Variants in BEND4 observed in about 807,000 individuals in gnomAD.
The protein encoded by BEND4 is BEN domain-containing protein 4.
A neutral mutation model predicts 54.7 loss-of-function variants in BEND4; 27 were observed. The ratio of observed to expected loss-of-function variants is 0.49; its 90% confidence interval spans 0.36 to 0.68. The LOEUF (loss-of-function observed/expected upper bound fraction) is 0.68. Ranked by LOEUF, BEND4 falls within the 30% of genes least tolerant of loss-of-function variation. BEND4 has a pLI of 0.00. For missense variants in BEND4, 702 were observed against 697.2 expected, an observed-to-expected ratio of 1.01 and a Z score of -0.08; for synonymous variants, 327 against 299.5, an observed-to-expected ratio of 1.09 and a Z score of -0.95.
At chr4:42,144,664 C>T (rs938039199) in intron 2 of BEND4, among the ~76,000 whole-genome samples, 20 of 152,268 alleles carry the variant, frequency 1.3e-4, no homozygotes, top group African/African-American at 3.4e-4. Context: ...TTTAGGCTGA[C>T]GTGTATCATT....
chr4:42,119,072 G>A (rs1475157143), intron 5 of BEND4, among the ~76,000 whole-genome samples: 1 of 152,140 alleles, frequency 6.6e-6, no homozygotes, highest in Non-Finnish European at 1.5e-5. Context: ...GGTAGGCCTA[G>A]GGAATCTCAG....
intron 5 of BEND4, 26 bp from the exon 6 acceptor site, chr4:42,117,761 A>AAG: frequency 2.7e-6 from 4 of 1,480,410 alleles, no homozygotes; most frequent in Non-Finnish European, 2.8e-6. Flanking sequence ...CAACATCAAA[A>AAG]AGAGAGAGAG....
Position 42,117,574 on chromosome 4 carries a change from G to A in BEND4, c.1549C>T (p.Gln517Ter). 1.2e-6 allele frequency: 2 copies of A among 1,613,204 alleles called. No individual in the cohort carries two copies. Among genetic ancestry groups the A allele is most frequent in the Non-Finnish European group, 1.7e-6 (2 of 1,179,600 alleles). ...TTGAAGACTTCATCCTGAGAAGCCT[G>A]GTGATCGATCCCTTCATAAAATGAG... is the stretch of plus-strand genomic sequence containing the variant. The part of the protein sequence containing the change: ...GGSFYEGIDH[Q>*]ASQDEVFNKS... Residue 517 changes from glutamine to a stop codon, truncating the protein, a stop_gained, in exon 6 of 6, where the codon CAG (glutamine) becomes TAG (stop). Coordinates refer to ENST00000502486, the MANE Select transcript of BEND4 (RefSeq NM_207406.4). LOFTEE classifies it high-confidence loss of function.
At chr4:42,138,008 G>A (rs904734187) in intron 3 of BEND4, among the ~76,000 whole-genome samples, 3 of 152,122 alleles carry the variant, frequency 2.0e-5, no homozygotes, top group African/African-American at 7.2e-5. Flanking sequence ...ATGTAGAATG[G>A]TACAGACATT....
At chr4:42,131,412 AGTT>A (rs2153145926) in intron 3 of BEND4, among the ~76,000 whole-genome samples, 1 of 152,328 alleles carries the variant, frequency 6.6e-6, no homozygotes, top group South Asian at 2.1e-4. Flanking sequence ...GGATTAGGGT[AGTT>A]AAGACCTTTT....
At chr4:42,121,879 G>A (rs1322159259) in intron 4 of BEND4, among the ~76,000 whole-genome samples, 3 of 152,164 alleles carry the variant, frequency 2.0e-5, no homozygotes, top group Admixed American at 6.5e-5. Context: ...AAACAGCGGT[G>A]TCTTTCACAA....
chr4:42,128,809 G>A (rs112826612), intron 3 of BEND4, among the ~76,000 whole-genome samples: 5,917 of 151,756 alleles, frequency 0.039, 393 homozygotes, highest in African/African-American at 0.14. Context: ...GGTGGTGGGC[G>A]CCTGTAGTCC....
intron 3 of BEND4, among the ~76,000 whole-genome samples, chr4:42,126,751 C>T (rs922421313): frequency 1.3e-5 from 2 of 152,120 alleles, no homozygotes; most frequent in Non-Finnish European, 2.9e-5. Flanking sequence ...GTGGCTTACA[C>T]CTGTAATCCC....
intron 4 of BEND4, 150 bp downstream of exon 4, chr4:42,125,433 C>A: frequency 1.6e-6 from 1 of 626,152 alleles, no homozygotes; most frequent in Non-Finnish European, 2.9e-6. Context: ...TGATCTTTCT[C>A]CACAAATTAC....
At chr4:42,151,473 G>A (rs1398117883) in intron 2 of BEND4, 184 bp downstream of exon 2, 1 of 521,624 alleles carries the variant, frequency 1.9e-6, no homozygotes, top group South Asian at 6.6e-5. Context: ...CGGAAGCCCA[G>A]GCGCGGCGGC....
chr4:42,144,294 G>C (rs967737747), intron 2 of BEND4, among the ~76,000 whole-genome samples: 1 of 152,160 alleles, frequency 6.6e-6, no homozygotes, highest in Non-Finnish European at 1.5e-5. Context: ...GCACAGGTCT[G>C]AACTCACACC....
intron 3 of BEND4, among the ~76,000 whole-genome samples, chr4:42,137,421 C>G (rs1420140375): frequency 2.6e-5 from 4 of 152,088 alleles, no homozygotes; most frequent in Non-Finnish European, 5.9e-5. Context: ...TCCTGGAAGA[C>G]AAAGAACACA....
At chr4:42,134,377 C>T (rs1720620268) in intron 3 of BEND4, among the ~76,000 whole-genome samples, 1 of 152,206 alleles carries the variant, frequency 6.6e-6, no homozygotes, top group South Asian at 2.1e-4. Flanking sequence ...CTATTCACAT[C>T]ATCTCTGTAA....
Position 42,114,933 on chromosome 4 carries a change from C to G in BEND4, c.*2585G>C, listed in dbSNP as rs930296635. 5.9e-5 allele frequency: 9 copies of G among 152,364 alleles called. No homozygotes were observed. Among genetic ancestry groups the G allele is most frequent in the African/African-American group, 2.2e-4 (9 of 41,444 alleles). 9.4% of individuals were successfully genotyped at this position (152,364 alleles called of 1,614,324 possible). A position where few individuals can be genotyped will look rare whatever the true frequency, so the allele number is the denominator to read the frequency against. On this transcript the variant is annotated 3_prime_UTR_variant, in exon 6 of 6. Coordinates refer to ENST00000502486, the MANE Select transcript of BEND4 (RefSeq NM_207406.4). ...CCTCAGTGGCGGCTAGTGCCTGCGT[C>G]AGACGCTAGGCTTGGCTAAAGGAAC...
At chr4:42,142,450 T>C (rs1259900521) in intron 3 of BEND4, among the ~76,000 whole-genome samples, 1 of 118,070 alleles carries the variant, frequency 8.5e-6, no homozygotes, top group Non-Finnish European at 1.6e-5. Context: ...TGAAACCCTA[T>C]CTCTACTAAA....
At chr4:42,142,260 T>C (rs981859692) in intron 3 of BEND4, among the ~76,000 whole-genome samples, 13 of 151,374 alleles carry the variant, frequency 8.6e-5, no homozygotes, top group African/African-American at 3.2e-4. Context: ...TTTGAAGAGA[T>C]TGTTCCTGTT....
intron 3 of BEND4, among the ~76,000 whole-genome samples, chr4:42,141,118 C>G (rs1402908007): frequency 6.6e-6 from 1 of 152,176 alleles, no homozygotes; most frequent in African/African-American, 2.4e-5. Flanking sequence ...TACCCAGTGT[C>G]TGTCTTGCAG....
At chr4:42,151,455 C>T in intron 2 of BEND4, 1 of 421,738 alleles carries the variant, frequency 2.4e-6, no homozygotes, top group Non-Finnish European at 4.0e-6. Context: ...CTGTTAGGCG[C>T]GCGCCGTCGG....
At chr4:42,141,330 T>G (rs1720872492) in intron 3 of BEND4, among the ~76,000 whole-genome samples, 1 of 152,242 alleles carries the variant, frequency 6.6e-6, no homozygotes, top group Admixed American at 6.5e-5. Flanking sequence ...CTTCTTTTTG[T>G]TTCCTTGGTC....
Sources: allele counts gnomAD v4.1 joint callset (sites outside exome capture counted in the v4.1 genomes callset), GRCh38; gene constraint gnomAD v4.1.1; transcripts MANE v1.5; gene names NCBI Gene and HGNC (gene_info 2026-07-23, HGNC 2026-07-21).